The following CPA6 variants were observed in gnomAD, a reference collection of about 807,000 sequenced individuals.
CPA6 encodes the protein carboxypeptidase A6.
A neutral mutation model predicts 63.3 loss-of-function variants in CPA6; 58 were observed. The observed-to-expected ratio is 0.92, with a 90% confidence interval of 0.74 to 1.14. CPA6 has a LOEUF of 1.14. Among genes scored for constraint, CPA6 ranks in the 50% most tolerant of loss-of-function variants. CPA6 has a pLI of 0.00. For synonymous variants in CPA6, 185 were observed against 179.0 expected, an observed-to-expected ratio of 1.03 and a Z score of -0.27; for missense variants, 565 against 526.6, an observed-to-expected ratio of 1.07 and a Z score of -0.71.
chr8:67,690,679 A>G lies in CPA6; in HGVS notation c.116+55335T>C, dbSNP rs73683173. On this transcript the variant is annotated intron_variant, in intron 1 of 10. Coordinates refer to ENST00000297770, the MANE Select transcript of CPA6 (RefSeq NM_020361.5). The stretch of plus-strand genomic sequence containing the variant: ...AGAAGAGGAAATATTAGAAAAGAAT[A>G]TTAGAAGAGGAAGCATTAGAAGGAA... Among the ~76,000 whole-genome samples, 1,080 of 152,354 alleles carry G rather than the reference A, an allele frequency of 7.1e-3. 17 individuals carry two copies. Among genetic ancestry groups the G allele is most frequent in the African/African-American group, 0.025 (1,021 of 41,584 alleles).
At chr8:67,507,340 A>G (rs1454557648) in intron 5 of CPA6, among the ~76,000 whole-genome samples, 4 of 152,076 alleles carry the variant, frequency 2.6e-5, no homozygotes, top group African/African-American at 9.7e-5. Flanking sequence ...TTTCCATCCC[A>G]AGGAATATTT....
Position 67,575,055 on chromosome 8 carries a change from A to G in CPA6, c.192+49121T>C, listed in dbSNP as rs1297473835. ...TATATAGAAAGAAAACAAATAATCCAATTTAAAAATGGGCAAAGAATCTGA... is the reference window on the plus strand; with the variant it reads ...TATATAGAAAGAAAACAAATAATCCGATTTAAAAATGGGCAAAGAATCTGA... On this transcript the variant is annotated intron_variant, in intron 2 of 10. Coordinates refer to ENST00000297770, the MANE Select transcript of CPA6 (RefSeq NM_020361.5). Among the ~76,000 whole-genome samples, 6 of 152,336 alleles carry G rather than the reference A, an allele frequency of 3.9e-5. 1 individual carries two copies. In the South Asian group the frequency reaches 8.3e-4, roughly 21 times the overall value.
At chr8:67,560,195 G>C (rs573598689) in intron 2 of CPA6, among the ~76,000 whole-genome samples, 37 of 126,208 alleles carry the variant, frequency 2.9e-4, no homozygotes, top group African/African-American at 1.1e-3. Context: ...TGTACTTTTG[G>C]CAGGGCTATG....
intron 2 of CPA6, among the ~76,000 whole-genome samples, chr8:67,570,636 TTA>T (rs1813463785): frequency 6.6e-6 from 1 of 152,190 alleles, no homozygotes; most frequent in Admixed American, 6.5e-5. Flanking sequence ...AAATAGACTG[TTA>T]TAAGATATTC....
intron 1 of CPA6, among the ~76,000 whole-genome samples, chr8:67,636,542 A>T (rs1815472641): frequency 6.6e-6 from 1 of 151,172 alleles, no homozygotes; most frequent in Non-Finnish European, 1.5e-5. Context: ...CTCCTTATTT[A>T]CTCCCCAAGT....
At chr8:67,648,261 T>G (rs1273085423) in intron 1 of CPA6, among the ~76,000 whole-genome samples, 1 of 148,212 alleles carries the variant, frequency 6.7e-6, no homozygotes, top group Admixed American at 6.7e-5. Context: ...AGATTAGGTT[T>G]TTTTTTTTTT....
intron 1 of CPA6, among the ~76,000 whole-genome samples, chr8:67,713,091 G>GTA (rs1817299667): frequency 3.3e-5 from 3 of 89,756 alleles, no homozygotes; most frequent in African/African-American, 9.7e-5. Context: ...GTATGTGTGT[G>GTA]TGTGTGTGTA....
At chr8:67,701,155 T>C (rs7003257) in intron 1 of CPA6, among the ~76,000 whole-genome samples, 21,470 of 152,112 alleles carry the variant, frequency 0.14, 2,176 homozygotes, top group African/African-American at 0.28. Context: ...TACTTATATA[T>C]TTATTATAGG....
chr8:67,448,992 C>A (rs1325338754), intron 8 of CPA6, among the ~76,000 whole-genome samples: 1 of 152,020 alleles, frequency 6.6e-6, no homozygotes, highest in Non-Finnish European at 1.5e-5. Context: ...TGGCTTATGC[C>A]TGTAATCCCA....
intron 1 of CPA6, among the ~76,000 whole-genome samples, chr8:67,688,636 A>G (rs1186500001): frequency 1.3e-5 from 2 of 152,200 alleles, no homozygotes; most frequent in Non-Finnish European, 2.9e-5. Context: ...ACTTCAGAGA[A>G]TGCCCCAATC....
chr8:67,542,429 T>A (rs2128971096), intron 2 of CPA6, among the ~76,000 whole-genome samples: 1 of 152,308 alleles, frequency 6.6e-6, no homozygotes, highest in East Asian at 1.9e-4. Context: ...TAGATGAAAA[T>A]TCACTTATTT....
At chr8:67,581,913 T>A (rs1275783827) in intron 2 of CPA6, among the ~76,000 whole-genome samples, 1 of 152,042 alleles carries the variant, frequency 6.6e-6, no homozygotes, top group Non-Finnish European at 1.5e-5. Context: ...ACCAGTCTGG[T>A]TTAATGTGGG....
intron 1 of CPA6, among the ~76,000 whole-genome samples, chr8:67,662,182 A>G (rs1439409559): frequency 6.6e-6 from 1 of 152,168 alleles, no homozygotes; most frequent in East Asian, 1.9e-4. Context: ...TAGAGAGAGT[A>G]GCATGTAAGA....
intron 2 of CPA6, among the ~76,000 whole-genome samples, chr8:67,566,729 G>A (rs12682475): frequency 0.52 from 78,998 of 152,042 alleles, 22,527 homozygotes; most frequent in Non-Finnish European, 0.65. Context: ...CAGTATGCCA[G>A]TTCACCCTCT....
At chr8:67,532,528 G>A (rs952831083) in intron 2 of CPA6, among the ~76,000 whole-genome samples, 2 of 151,716 alleles carry the variant, frequency 1.3e-5, no homozygotes, top group Non-Finnish European at 2.9e-5. Context: ...CAAAAAATAC[G>A]AAAATTAGCC....
At chr8:67,737,290 G>A (rs1220631331) in intron 1 of CPA6, among the ~76,000 whole-genome samples, 1 of 152,112 alleles carries the variant, frequency 6.6e-6, no homozygotes, top group Non-Finnish European at 1.5e-5. Flanking sequence ...CTCACCTGTA[G>A]TTCTTTGCAC....
intron 2 of CPA6, among the ~76,000 whole-genome samples, chr8:67,592,409 G>C (rs1216732632): frequency 6.6e-6 from 1 of 152,124 alleles, no homozygotes; most frequent in Non-Finnish European, 1.5e-5. Context: ...CATAAAATGA[G>C]TTAGGGAGGA....
intron 2 of CPA6, among the ~76,000 whole-genome samples, chr8:67,539,740 A>G (rs1051724767): frequency 8.6e-5 from 13 of 151,896 alleles, no homozygotes; most frequent in African/African-American, 2.9e-4. Flanking sequence ...GCTTTATTTC[A>G]TTAAGTTGAT....
intron 8 of CPA6, among the ~76,000 whole-genome samples, chr8:67,460,725 A>G (rs1237879567): frequency 6.6e-6 from 1 of 152,262 alleles, no homozygotes; most frequent in Non-Finnish European, 1.5e-5. Flanking sequence ...AATAAAATAT[A>G]TCACATTAAA....
Sources: allele counts gnomAD v4.1 joint callset (sites outside exome capture counted in the v4.1 genomes callset), GRCh38; gene constraint gnomAD v4.1.1; transcripts MANE v1.5; gene names NCBI Gene and HGNC (gene_info 2026-07-23, HGNC 2026-07-21).